Variants in SHANK2 observed in about 807,000 individuals in gnomAD.
SHANK2 encodes SH3 and multiple ankyrin repeat domains 2.
SHANK2 carries 43 observed loss-of-function variants against 133.7 expected under a neutral mutation model. The observed-to-expected ratio is 0.32, with a 90% CI of 0.25 to 0.41. The LOEUF is 0.41. Ranked by LOEUF, SHANK2 falls within the 10% of genes least tolerant of loss-of-function variation. The probability of loss-of-function intolerance (pLI) is 1.00; values close to 1 mark genes in which losing one functional copy is unlikely to be tolerated. For missense variants in SHANK2, 1,994 were observed against 2,235.8 expected (o/e 0.89, Z 2.18); for synonymous variants, 1,017 against 952.8 (o/e 1.07, Z -1.24).
At chr11:71,069,932 G>A (rs888701259) in intron 9 of SHANK2, among the ~76,000 whole-genome samples, 2 of 152,212 alleles carry the variant, frequency 1.3e-5, no homozygotes, top group African/African-American at 4.8e-5. Flanking sequence ...AGTTGCTAGA[G>A]TGGTTTCTGC....
chr11:70,532,707 C>T (rs922002135), intron 17 of SHANK2, among the ~76,000 whole-genome samples: 3 of 152,068 alleles, frequency 2.0e-5, no homozygotes, highest in African/African-American at 7.2e-5. Context: ...TTGAAGGTTC[C>T]TCAAAGAGTT....
chr11:70,776,929 T>G (rs1947377937), intron 14 of SHANK2, among the ~76,000 whole-genome samples: 1 of 144,894 alleles, frequency 6.9e-6, no homozygotes, highest in Non-Finnish European at 1.5e-5. Context: ...ACCTAACTAT[T>G]CATTTAGACA....
chr11:70,523,650 C>T (rs2059358433), intron 17 of SHANK2, among the ~76,000 whole-genome samples: 1 of 152,186 alleles, frequency 6.6e-6, no homozygotes, highest in Non-Finnish European at 1.5e-5. Context: ...GTACCCTGTG[C>T]AGCAGCCGGT....
chr11:70,656,407 C>T (rs542805837), intron 17 of SHANK2, among the ~76,000 whole-genome samples: 1 of 152,212 alleles, frequency 6.6e-6, no homozygotes, highest in East Asian at 1.9e-4. Flanking sequence ...CTGCTTCTCT[C>T]GGGGGCTGTC....
chr11:70,686,085 T>A (rs1005995693), intron 15 of SHANK2, among the ~76,000 whole-genome samples: 1 of 120,962 alleles, frequency 8.3e-6, no homozygotes, highest in East Asian at 2.9e-4. Flanking sequence ...CCTTCCTTCC[T>A]TCCATCCATC....
intron 17 of SHANK2, among the ~76,000 whole-genome samples, chr11:70,649,837 G>A (rs1039691252): frequency 2.6e-5 from 4 of 152,218 alleles, no homozygotes; most frequent in Non-Finnish European, 5.9e-5. Context: ...AATGATCTGG[G>A]ACTTACCTGG....
intron 11 of SHANK2, among the ~76,000 whole-genome samples, chr11:70,883,104 C>T (rs141183794): frequency 6.6e-6 from 1 of 152,236 alleles, no homozygotes; most frequent in Non-Finnish European, 1.5e-5. Flanking sequence ...CCTGGGGACC[C>T]TTGTCAAGTG....
At chr11:70,836,971 C>T (rs370048639) in intron 11 of SHANK2, among the ~76,000 whole-genome samples, 4 of 152,236 alleles carry the variant, frequency 2.6e-5, no homozygotes, top group African/African-American at 7.2e-5. Flanking sequence ...GAGAGTTGGT[C>T]GCTGTCTGTC....
At chr11:70,584,428 G>A (rs1288755983) in intron 17 of SHANK2, among the ~76,000 whole-genome samples, 1 of 152,142 alleles carries the variant, frequency 6.6e-6, no homozygotes, top group African/African-American at 2.4e-5. Flanking sequence ...TCACCTGAGA[G>A]CTGGATTTTC....
intron 11 of SHANK2, among the ~76,000 whole-genome samples, chr11:70,893,943 T>A (rs541439394): frequency 1.2e-3 from 188 of 152,330 alleles, no homozygotes; most frequent in African/African-American, 4.4e-3. Flanking sequence ...TGGGGGGTGC[T>A]GTTTACAGTT....
chr11:71,184,458 G>A (rs12362932), intron 2 of SHANK2, among the ~76,000 whole-genome samples: 4 of 152,236 alleles, frequency 2.6e-5, no homozygotes, highest in Non-Finnish European at 5.9e-5. Context: ...CCTGAATGTC[G>A]GGGCTGGGTT....
chr11:71,240,712 T>A (rs1247011015), intron 1 of SHANK2: 1 of 152,324 alleles, frequency 6.6e-6, no homozygotes, highest in Non-Finnish European at 1.5e-5. Context: ...GGAGGATCGC[T>A]TGAGCTCAGG....
rs782296061 is a variant in SHANK2 at position 71,147,164 on chromosome 11, T to G, written c.163A>C (p.Asn55His). Residue 55 changes from asparagine to histidine, a missense_variant, in exon 3 of 26, where the codon AAC becomes CAC. Coordinates refer to ENST00000601538, the MANE Select transcript of SHANK2 (RefSeq NM_012309.5). Reference sequence around the variant, plus strand: ...ATGACCACGCGGATCACCAGCGTGTTGCCCTGGCTCTCCTCCGTCCTGGCA... The same window carrying G: ...ATGACCACGCGGATCACCAGCGTGTGGCCCTGGCTCTCCTCCGTCCTGGCA... ...GGARTEESQG[N>H]TLVIRVVIHD... 4 of 1,550,388 alleles carry G rather than the reference T, an allele frequency of 2.6e-6. No individual in the cohort carries two copies. The South Asian group carries it at 4.8e-5, about 18-fold the overall frequency.
chr11:71,086,520 T>C (rs1210889735), intron 8 of SHANK2, among the ~76,000 whole-genome samples: 2 of 141,152 alleles, frequency 1.4e-5, no homozygotes, highest in African/African-American at 2.6e-5. Context: ...ATATATAATA[T>C]ATAATATAAA....
intron 2 of SHANK2, among the ~76,000 whole-genome samples, chr11:71,157,364 T>C (rs1200005012): frequency 3.9e-5 from 6 of 152,240 alleles, no homozygotes; most frequent in African/African-American, 1.4e-4. Context: ...GTGTGTTCTA[T>C]TAAGACATTG....
intron 9 of SHANK2, among the ~76,000 whole-genome samples, chr11:71,063,377 G>A (rs925950754): frequency 6.6e-6 from 1 of 152,162 alleles, no homozygotes; most frequent in Admixed American, 6.5e-5. Context: ...GGTTCACTTG[G>A]CTTAATAACA....
chr11:70,864,248 T>G (rs1303448242), intron 11 of SHANK2: 1 of 165,842 alleles, frequency 6.0e-6, no homozygotes, highest in African/African-American at 2.4e-5. Context: ...ATTTTGAAAT[T>G]GGAGGTGGGT....
chr11:70,534,702 G>A (rs1249660075), intron 17 of SHANK2, among the ~76,000 whole-genome samples: 1 of 152,186 alleles, frequency 6.6e-6, no homozygotes, highest in African/African-American at 2.4e-5. Flanking sequence ...CCAAACTGGT[G>A]GCTTCACTCT....
chr11:70,706,378 G>A (rs528884171), intron 14 of SHANK2, among the ~76,000 whole-genome samples: 24 of 152,214 alleles, frequency 1.6e-4, no homozygotes, highest in African/African-American at 2.6e-4. Context: ...ATATTCCACC[G>A]TTGGCCACGT....
Sources: gnomAD v4.1 joint callset for allele counts (sites outside exome capture counted in the v4.1 genomes callset) on GRCh38, gnomAD v4.1.1 for gene constraint, MANE v1.5 for transcripts, NCBI Gene and HGNC (gene_info 2026-07-23, HGNC 2026-07-21) for gene names.